Variants in ZNF407 observed in about 807,000 individuals in gnomAD.
ZNF407 encodes the protein zinc finger protein 407.
Under a neutral mutation model 131.2 loss-of-function variants are expected in ZNF407, and 17 were observed. The ratio of observed to expected loss-of-function variants is 0.13; its 90% CI spans 0.09 to 0.19. The LOEUF is 0.19. ZNF407 is among the 10% of genes least tolerant of loss of function. The pLI is 1.00. For synonymous variants in ZNF407, 1,156 were observed against 1,062.0 expected, an observed-to-expected ratio of 1.09 and a Z score of -1.72; for missense variants, 2,681 against 2,830.6, an observed-to-expected ratio of 0.95 and a Z score of 1.20.
At chr18:74,693,945 C>G (rs922844472) in intron 3 of ZNF407, among the ~76,000 whole-genome samples, 10 of 152,026 alleles carry the variant, frequency 6.6e-5, no homozygotes, top group Non-Finnish European at 1.5e-4. Flanking sequence ...ATTTTTTTAA[C>G]TTTCTTTGTA....
chr18:74,826,443 T>G (rs1247282763), intron 4 of ZNF407, among the ~76,000 whole-genome samples: 1 of 152,196 alleles, frequency 6.6e-6, no homozygotes, highest in African/African-American at 2.4e-5. Context: ...GCCGTGTGTG[T>G]GGTAGTGTTT....
At chr18:75,044,093 A>G (rs1323349753) in intron 8 of ZNF407, among the ~76,000 whole-genome samples, 1 of 152,088 alleles carries the variant, frequency 6.6e-6, no homozygotes, top group Non-Finnish European at 1.5e-5. Context: ...GATATCAAAC[A>G]CCACTGAAAA....
At chr18:74,801,858 T>C (rs773396226) in intron 4 of ZNF407, among the ~76,000 whole-genome samples, 7 of 152,218 alleles carry the variant, frequency 4.6e-5, no homozygotes, top group East Asian at 1.9e-4. Flanking sequence ...GTATGAACAA[T>C]AAACATTCCA....
chr18:74,676,232 C>T (rs1986353754), intron 3 of ZNF407, among the ~76,000 whole-genome samples: 1 of 151,750 alleles, frequency 6.6e-6, no homozygotes. Flanking sequence ...GCTGGGATTA[C>T]AGATGCATGC....
At chr18:74,970,067 A>G (rs1323011031) in intron 8 of ZNF407, among the ~76,000 whole-genome samples, 2 of 152,134 alleles carry the variant, frequency 1.3e-5, no homozygotes, top group Non-Finnish European at 2.9e-5. Context: ...GAAGAAGCAA[A>G]AGTGGAAACC....
intron 4 of ZNF407, among the ~76,000 whole-genome samples, chr18:74,850,437 C>G (rs1426657618): frequency 6.6e-6 from 1 of 152,092 alleles, no homozygotes; most frequent in Non-Finnish European, 1.5e-5. Flanking sequence ...TCTGTTCTAT[C>G]CACGCATTCT....
At chr18:74,769,315 G>T (rs1189915657) in intron 3 of ZNF407, among the ~76,000 whole-genome samples, 3 of 152,058 alleles carry the variant, frequency 2.0e-5, no homozygotes, top group Non-Finnish European at 2.9e-5. Context: ...GCATTCTCAG[G>T]TTACTATCTT....
In ZNF407 at chr18:74,849,051, T is replaced by TC. The variant is rs1970741257; in HGVS notation, c.4878-28145dup. On this transcript the variant is annotated intron_variant, in intron 4 of 8. Transcript: ENST00000299687. ...GTGGTGACTTTGGGCTACTTTTGTT[T>TC]CTTTTTTTTTTTTTTATTTTTTATT... Among the ~76,000 whole-genome samples the TC allele has an allele frequency of 1.5e-4, 5 of 33,962 alleles. No individual in the cohort carries two copies. In the South Asian group the frequency reaches 7.2e-3, roughly 49 times the overall value. 22.3% of individuals were successfully genotyped at this position (33,962 alleles called of 152,430 possible).
chr18:74,677,486 G>T (rs1986440673), intron 3 of ZNF407, among the ~76,000 whole-genome samples: 1 of 152,026 alleles, frequency 6.6e-6, no homozygotes, highest in Non-Finnish European at 1.5e-5. Context: ...TGTTCCTTGG[G>T]TGATGAGTTT....
At chr18:75,007,646 TTAG>T (rs1268800795) in intron 8 of ZNF407, among the ~76,000 whole-genome samples, 1 of 152,234 alleles carries the variant, frequency 6.6e-6, no homozygotes. Context: ...CTCTAATATG[TTAG>T]AATCGATATC....
intron 4 of ZNF407, among the ~76,000 whole-genome samples, chr18:74,832,872 TA>T (rs1185397488): frequency 6.6e-6 from 1 of 152,264 alleles, no homozygotes; most frequent in Non-Finnish European, 1.5e-5. Context: ...ATTTGCTGTT[TA>T]TTTTTTATTT....
chr18:74,794,021 A>C (rs1969873742), intron 4 of ZNF407, among the ~76,000 whole-genome samples: 1 of 152,186 alleles, frequency 6.6e-6, no homozygotes, highest in African/African-American at 2.4e-5. Context: ...TAGGAAATGG[A>C]GACTTTTTGA....
At chr18:74,875,249 A>T (rs1432563352) in intron 4 of ZNF407, among the ~76,000 whole-genome samples, 1 of 152,212 alleles carries the variant, frequency 6.6e-6, no homozygotes, top group East Asian at 1.9e-4. Context: ...TGTAGAACAC[A>T]TGAGGTTTTC....
intron 7 of ZNF407, among the ~76,000 whole-genome samples, chr18:74,915,296 A>C (rs1453743963): frequency 6.6e-6 from 1 of 151,396 alleles, no homozygotes; most frequent in Non-Finnish European, 1.5e-5. Context: ...CTGTGCAGTG[A>C]TTAGTAAAGA....
Position 74,634,415 on chromosome 18 carries a change from G to C in ZNF407, c.3396G>C (p.Glu1132Asp), listed in dbSNP as rs766996935. Residue 1132 changes from glutamate (E) to aspartate (D), a missense_variant, in exon 2 of 9, where the codon GAG (glutamate) becomes GAC (aspartate). By Grantham distance (45) the Glu-to-Asp change is conservative. This residue lies in a region of ZNF407 where 1,789 missense variants were observed against 1,748.7 expected (regional missense o/e 1.02). Transcript: ENST00000299687. ...RNAADCSILN[E>D]NTNLDMSKVL... ...CTGCAGATTGCTCTATTTTAAATGA[G>C]AATACTAATTTAGATATGTCTAAAG... 81 of 1,613,376 alleles carry C rather than the reference G, an allele frequency of 5.0e-5. No homozygotes were observed. In the South Asian group the frequency reaches 6.7e-4, roughly 13 times the overall value.
intron 3 of ZNF407, among the ~76,000 whole-genome samples, chr18:74,766,009 CTGTGTG>C (rs58103313): frequency 0.011 from 1,697 of 148,134 alleles, 36 homozygotes; most frequent in African/African-American, 0.036. Flanking sequence ...GCATATTACT[CTGTGTG>C]TGTGTGTGTG....
intron 8 of ZNF407, among the ~76,000 whole-genome samples, chr18:75,004,532 G>A (rs896670658): frequency 3.9e-5 from 6 of 152,072 alleles, no homozygotes; most frequent in Admixed American, 1.3e-4. Flanking sequence ...CATTGGGTGC[G>A]CAGAGCCAGG....
intron 1 of ZNF407, among the ~76,000 whole-genome samples, chr18:74,612,326 G>C (rs1983098386): frequency 6.6e-6 from 1 of 152,094 alleles, no homozygotes; most frequent in Non-Finnish European, 1.5e-5. Flanking sequence ...AATTATCAGA[G>C]ATAATTTGTT....
chr18:74,966,051 T>C (rs934499713), intron 8 of ZNF407, among the ~76,000 whole-genome samples: 1 of 152,232 alleles, frequency 6.6e-6, no homozygotes, highest in African/African-American at 2.4e-5. Flanking sequence ...TTCTCATATA[T>C]TCTGGTTATT....
Sources: gnomAD v4.1 joint callset for allele counts (sites outside exome capture counted in the v4.1 genomes callset) on GRCh38, gnomAD v4.1.1 for gene constraint, gnomAD v4.1.1 regional missense constraint, MANE v1.5 for transcripts, NCBI Gene and HGNC (gene_info 2026-07-23, HGNC 2026-07-21) for gene names.